TENM4: variants seen among roughly 807,000 people sequenced by gnomAD.
TENM4 encodes teneurin transmembrane protein 4.
A neutral mutation model predicts 243.3 loss-of-function variants in TENM4; 82 were observed. That is an observed-to-expected ratio of 0.34 (90% CI 0.28 to 0.40). TENM4 has a LOEUF of 0.40. Ranked by LOEUF, TENM4 falls within the 10% of genes least tolerant of loss-of-function variation. The pLI is 1.00. For synonymous variants in TENM4, 1,412 were observed against 1,456.3 expected (o/e 0.97, Z 0.69); for missense variants, 3,138 against 3,673.3 (o/e 0.85, Z 3.77).
At position 79,339,793 on chromosome 11, in the gene TENM4, G is replaced by C. The variant is rs577971468; in HGVS notation, c.-320-42250C>G. 1.2e-4 allele frequency among the ~76,000 whole-genome samples: 19 copies of C among 152,180 alleles called. No individual in the cohort carries two copies. The South Asian group carries it at 3.9e-3, about 32-fold the overall frequency. ...GAAAAGGGAGGAGAGGGAAAGAGAGGAGGAGGGATGAAGGAGAAAGAGTAA... is the reference window on the plus strand; with the variant it reads ...GAAAAGGGAGGAGAGGGAAAGAGAGCAGGAGGGATGAAGGAGAAAGAGTAA... On this transcript the variant is annotated intron_variant, in intron 1 of 33. Transcript: ENST00000278550.
chr11:79,163,759 G>GTA (rs1276935580), intron 3 of TENM4, among the ~76,000 whole-genome samples: 26 of 138,618 alleles, frequency 1.9e-4, no homozygotes, highest in African/African-American at 6.9e-4. Context: ...CATGGTATGT[G>GTA]TATATATATA....
At chr11:78,819,363 T>A (rs988496985) in intron 12 of TENM4, among the ~76,000 whole-genome samples, 3 of 152,368 alleles carry the variant, frequency 2.0e-5, no homozygotes, top group Admixed American at 2.0e-4. Flanking sequence ...CTCATTTGCA[T>A]CCTTCTGGTT....
chr11:79,119,224 G>C (rs886599411), intron 4 of TENM4, among the ~76,000 whole-genome samples: 1 of 152,142 alleles, frequency 6.6e-6, no homozygotes, highest in Non-Finnish European at 1.5e-5. Context: ...TCCAGGTCTA[G>C]AGAAATAGAA....
chr11:79,151,888 G>A (rs566806340), intron 3 of TENM4, among the ~76,000 whole-genome samples: 15 of 152,192 alleles, frequency 9.9e-5, no homozygotes, highest in African/African-American at 3.6e-4. Flanking sequence ...CTCCTTGGAG[G>A]TAAGAGATGC....
intron 27 of TENM4, among the ~76,000 whole-genome samples, 189 bp downstream of exon 27, chr11:78,708,172 T>C (rs1300310775): frequency 6.6e-6 from 1 of 152,250 alleles, no homozygotes; most frequent in Non-Finnish European, 1.5e-5. Flanking sequence ...TTACTCCTGA[T>C]GGTGAACTCC....
chr11:78,674,214 G>T (rs1034516050), intron 30 of TENM4, among the ~76,000 whole-genome samples: 2 of 152,212 alleles, frequency 1.3e-5, no homozygotes, highest in Non-Finnish European at 2.9e-5. Context: ...GTGCTCGGCA[G>T]TGGCGGCAAT....
At chr11:79,382,116 A>G (rs1172257420) in intron 1 of TENM4, among the ~76,000 whole-genome samples, 1 of 152,214 alleles carries the variant, frequency 6.6e-6, no homozygotes, top group African/African-American at 2.4e-5. Flanking sequence ...AAAATAGCAA[A>G]TCAGATAGGT....
intron 6 of TENM4, among the ~76,000 whole-genome samples, chr11:78,919,802 G>T (rs603294): frequency 0.73 from 109,894 of 151,460 alleles, 45,064 homozygotes; most frequent in Non-Finnish European, 0.92. Context: ...ACAGCTGGGA[G>T]TCATGCCTAA....
chr11:78,969,570 A>T lies in TENM4; in HGVS notation c.494-66047T>A, dbSNP rs75335057. Among the ~76,000 whole-genome samples the T allele has an allele frequency of 2.5e-4, 38 of 152,350 alleles. No individual in the cohort carries two copies. In the East Asian group the frequency reaches 6.9e-3, roughly 28 times the overall value. ...AGACCATTAACAAAATATACTTTTT[A>T]ACACTTTGCTCAGCAGTCCTGAGAA... On this transcript the variant is annotated intron_variant, in intron 6 of 33. Coordinates refer to ENST00000278550, the MANE Select transcript of TENM4 (RefSeq NM_001098816.3).
At chr11:79,319,710 C>G (rs752570492) in intron 1 of TENM4, among the ~76,000 whole-genome samples, 1 of 151,874 alleles carries the variant, frequency 6.6e-6, no homozygotes, top group Non-Finnish European at 1.5e-5. Flanking sequence ...AACTAGATAC[C>G]TAACGTGAGC....
At chr11:79,190,032 T>C (rs1005921072) in intron 3 of TENM4, among the ~76,000 whole-genome samples, 2 of 152,202 alleles carry the variant, frequency 1.3e-5, no homozygotes, top group South Asian at 4.1e-4. Context: ...GGGGGAGCCT[T>C]CTGGAACCTT....
At chr11:79,087,374 A>G (rs780523280) in intron 4 of TENM4, among the ~76,000 whole-genome samples, 9 of 152,180 alleles carry the variant, frequency 5.9e-5, no homozygotes, top group Non-Finnish European at 1.0e-4. Flanking sequence ...TGAATTCCAT[A>G]TGTTTGAGGA....
At chr11:78,854,893 G>A (rs1481716202) in intron 11 of TENM4, among the ~76,000 whole-genome samples, 1 of 152,142 alleles carries the variant, frequency 6.6e-6, no homozygotes, top group Non-Finnish European at 1.5e-5. Flanking sequence ...AACTGGATTA[G>A]CTCAAAACTC....
chr11:79,186,003 AG>A (rs1408450784), intron 3 of TENM4, among the ~76,000 whole-genome samples: 1 of 152,244 alleles, frequency 6.6e-6, no homozygotes, highest in Admixed American at 6.5e-5. Flanking sequence ...AACCTTTCCA[AG>A]CAAATATTTT....
At chr11:78,822,647 T>C (rs1206207085) in intron 12 of TENM4, among the ~76,000 whole-genome samples, 2 of 152,030 alleles carry the variant, frequency 1.3e-5, no homozygotes, top group African/African-American at 4.8e-5. Context: ...GACAGGTTGA[T>C]AGGCGCAGCA....
chr11:78,930,967 C>T (rs1591139150), intron 6 of TENM4, among the ~76,000 whole-genome samples: 1 of 152,264 alleles, frequency 6.6e-6, no homozygotes, highest in East Asian at 1.9e-4. Context: ...TTTCATTTTG[C>T]TGTGTAGCCA....
At chr11:79,040,873 C>T (rs1310731808) in intron 6 of TENM4, among the ~76,000 whole-genome samples, 4 of 152,142 alleles carry the variant, frequency 2.6e-5, no homozygotes, top group Non-Finnish European at 5.9e-5. Flanking sequence ...AATGCAGATT[C>T]CCAAGCTTCT....
intron 12 of TENM4, among the ~76,000 whole-genome samples, chr11:78,819,194 G>A (rs1200422045): frequency 6.6e-6 from 1 of 152,144 alleles, no homozygotes; most frequent in Admixed American, 6.5e-5. Context: ...AACCCACAGA[G>A]GCCTCAGGGA....
intron 3 of TENM4, among the ~76,000 whole-genome samples, chr11:79,176,852 C>T (rs762546917): frequency 6.6e-6 from 1 of 152,146 alleles, no homozygotes; most frequent in South Asian, 2.1e-4. Context: ...CATCTAACAT[C>T]GGTCTGAAGA....
Sources: gnomAD v4.1 joint callset for allele counts (sites outside exome capture counted in the v4.1 genomes callset) on GRCh38, gnomAD v4.1.1 for gene constraint, MANE v1.5 for transcripts, NCBI Gene and HGNC (gene_info 2026-07-23, HGNC 2026-07-21) for gene names.